UFSP2: variants seen among roughly 807,000 people sequenced by gnomAD.
UFSP2 encodes the protein ufm1-specific protease 2.
UFSP2 carries 43 observed loss-of-function variants against 60.2 expected under a neutral mutation model. That is an observed-to-expected ratio of 0.71 (90% confidence interval 0.56 to 0.92). The LOEUF is 0.92. UFSP2 is among the 40% of genes least tolerant of loss of function. The pLI is 0.00. For missense variants in UFSP2, 520 were observed against 575.0 expected (o/e 0.90, Z 0.98); for synonymous variants, 183 against 195.1 (o/e 0.94, Z 0.52).
intron 2 of UFSP2, among the ~76,000 whole-genome samples, chr4:185,419,139 C>CT (rs997663032): frequency 4.9e-4 from 73 of 148,774 alleles, no homozygotes; most frequent in African/African-American, 1.4e-3. Flanking sequence ...TACATCTTTT[C>CT]TTTTTTTTTT....
rs759865037 is a variant in UFSP2 at position 185,399,582 on chromosome 4, G to C, written c.*810C>G. 1.7e-5 allele frequency: 27 copies of C among 1,614,114 alleles called. No individual in the cohort carries two copies. The South Asian group carries it at 3.0e-4, about 18-fold the overall frequency. On this transcript the variant is annotated 3_prime_UTR_variant, in exon 12 of 12. Transcript: ENST00000264689. ...ATCCTGTTTTCAGTTTATGTAATAA[G>C]AACGGGCAAACAGCTGAAGATCTCG... is the stretch of plus-strand genomic sequence containing the variant.
chr4:185,410,161 A>G (rs2095526751), intron 7 of UFSP2, among the ~76,000 whole-genome samples: 1 of 152,194 alleles, frequency 6.6e-6, no homozygotes. Context: ...AGAAAAAAAA[A>G]GCAAAAAAGA....
chr4:185,422,428 TCTC>T, intron 2 of UFSP2, 54 bp downstream of exon 2: 1 of 1,244,320 alleles, frequency 8.0e-7, no homozygotes, highest in Non-Finnish European at 1.2e-6. Flanking sequence ...GTGGAAATAA[TCTC>T]AGTATATTTC....
intron 11 of UFSP2, 158 bp from the exon 12 acceptor site, chr4:185,400,636 G>A (rs140236130): frequency 6.6e-5 from 32 of 488,386 alleles, no homozygotes; most frequent in Admixed American, 3.4e-4. Context: ...GAAAAGTAAC[G>A]TATCTTACCC....
intron 10 of UFSP2, 43 bp downstream of exon 10, chr4:185,405,737 C>T: frequency 6.4e-7 from 1 of 1,573,620 alleles, no homozygotes; most frequent in Non-Finnish European, 8.7e-7. Flanking sequence ...ATAAGTTTTG[C>T]ATATTACTCA....
chr4:185,408,158 T>C, intron 8 of UFSP2, 98 bp from the exon 9 acceptor site: 1 of 1,547,716 alleles, frequency 6.5e-7, no homozygotes, highest in Non-Finnish European at 8.8e-7. Flanking sequence ...AGAATTTTTT[T>C]TTCTTCAAAA....
rs1356186252 is a variant in UFSP2 at position 185,400,421 on chromosome 4, A to G, written c.1381T>C (p.Cys461Arg). 26 of 1,613,776 alleles carry G rather than the reference A, an allele frequency of 1.6e-5. No homozygotes were observed. Among genetic ancestry groups the G allele is most frequent in the Middle Eastern group, 1.6e-4 (1 of 6,082 alleles). The change falls in exon 12 of 12, where the codon TGT becomes CGT. Residue 461 changes from cysteine (C) to arginine (R), a missense_variant. Transcript: ENST00000264689. ...FWNKDAYYNL[C>R]LPQRPNMI ...ATCATATTTGGTCGCTGAGGAAGAC[A>G]TAAGTTATAGTATGCATCCTTGTTC...
Position 185,417,133 on chromosome 4 carries a change from T to A in UFSP2, c.334-1266A>T, listed in dbSNP as rs556459640. On this transcript the variant is annotated intron_variant, in intron 4 of 11. Coordinates refer to ENST00000264689, the MANE Select transcript of UFSP2 (RefSeq NM_018359.5). ...CCAATAATAGCAACAGACTGATAAC[T>A]GTCTCTTTCATACCATGTGCTGAGG... is the stretch of plus-strand genomic sequence containing the variant. Among the ~76,000 whole-genome samples, 3 of 152,348 alleles carry A rather than the reference T, an allele frequency of 2.0e-5. No individual in the cohort carries two copies. In the East Asian group the frequency reaches 5.8e-4, roughly 29 times the overall value.
At position 185,408,304 on chromosome 4, in the gene UFSP2, C is replaced by G; in HGVS notation, c.963G>C (p.Glu321Asp). Residue 321 changes from glutamate (E) to aspartate (D), a missense_variant, in exon 8 of 12, where the codon GAG becomes GAC. By Grantham distance (45) the Glu-to-Asp change is conservative. Transcript: ENST00000264689. ...CSWFKHQGYT[E>D]RSIPTHREIQ... The stretch of plus-strand genomic sequence containing the variant: ...TTTCTCTGTGTGTTGGAATGGACCT[C>G]TCTGTGTATCCCTGATGTTTGAACC... 1 of 1,614,150 alleles carries G rather than the reference C, an allele frequency of 6.2e-7. No individual in the cohort carries two copies. The highest frequency in any genetic ancestry group is 1.7e-5 in the Admixed American group (1 of 60,012).
At chr4:185,418,564 T>C in intron 3 of UFSP2, 23 bp downstream of exon 3, 1 of 1,611,434 alleles carries the variant, frequency 6.2e-7, no homozygotes, top group Non-Finnish European at 8.5e-7. Context: ...AAAACATTTC[T>C]AGAAATCTTC....
intron 10 of UFSP2, 117 bp from the exon 11 acceptor site, chr4:185,403,735 C>CT: frequency 7.7e-7 from 1 of 1,294,808 alleles, no homozygotes; most frequent in Non-Finnish European, 1.0e-6. Flanking sequence ...AATCCCAGCA[C>CT]TTTGGGAGGT....
chr4:185,419,233 GC>G (rs2095544987), intron 2 of UFSP2, among the ~76,000 whole-genome samples: 2 of 152,112 alleles, frequency 1.3e-5, no homozygotes, highest in South Asian at 4.1e-4. Flanking sequence ...CCGGGTTCAC[GC>G]CATTCTCCTG....
chr4:185,425,859 TACTC>T lies in UFSP2; in HGVS notation c.3+3_3+6del, dbSNP rs751059426. 1 of 1,604,390 alleles carries T rather than the reference TACTC, an allele frequency of 6.2e-7. No individual in the cohort carries two copies. The highest frequency in any genetic ancestry group is 8.5e-7 in the Non-Finnish European group (1 of 1,175,698). ...CACAGGGGTCGGTGACGAGCAGAGATACTCACCATGTCCGCGACGTGGCGGTGAC... is the reference window on the plus strand; with the variant it reads ...CACAGGGGTCGGTGACGAGCAGAGATACCATGTCCGCGACGTGGCGGTGAC... On this transcript the variant is annotated splice_donor_5th_base_variant and intron_variant, in intron 1 of 11. Coordinates refer to ENST00000264689, the MANE Select transcript of UFSP2 (RefSeq NM_018359.5).
At chr4:185,409,530 T>C (rs1219455763) in intron 7 of UFSP2, among the ~76,000 whole-genome samples, 1 of 152,062 alleles carries the variant, frequency 6.6e-6, no homozygotes, top group East Asian at 1.9e-4. Flanking sequence ...TGAGAGGAGA[T>C]AGGGACAAGA....
intron 1 of UFSP2, among the ~76,000 whole-genome samples, chr4:185,422,825 A>G (rs77451496): frequency 0.058 from 8,783 of 152,220 alleles, 288 homozygotes; most frequent in South Asian, 0.088. Flanking sequence ...ACCCCCAGAG[A>G]TTCTGATTAA....
chr4:185,415,381 AG>A, intron 5 of UFSP2, 34 bp from the exon 6 acceptor site: 1 of 1,497,614 alleles, frequency 6.7e-7, no homozygotes, highest in African/African-American at 1.4e-5. Context: ...TATTAACAAA[AG>A]TTATAGTGAC....
chr4:185,406,819 A>G (rs2095521126), intron 9 of UFSP2, among the ~76,000 whole-genome samples: 2 of 151,838 alleles, frequency 1.3e-5, no homozygotes, highest in Admixed American at 1.3e-4. Flanking sequence ...CAGGTGATCC[A>G]CCCACCTTGG....
At chr4:185,400,652 G>T in intron 11 of UFSP2, 174 bp from the exon 12 acceptor site, 1 of 439,080 alleles carries the variant, frequency 2.3e-6, no homozygotes, top group Non-Finnish European at 4.1e-6. Context: ...TACCCTTTAA[G>T]GTAGGTTTTT....
At chr4:185,406,360 T>C (rs989117052) in intron 9 of UFSP2, among the ~76,000 whole-genome samples, 1 of 152,128 alleles carries the variant, frequency 6.6e-6, no homozygotes, top group Admixed American at 6.5e-5. Flanking sequence ...AACTGCAAAA[T>C]GTTTTCAAGT....
Sources: allele counts gnomAD v4.1 joint callset (sites outside exome capture counted in the v4.1 genomes callset), GRCh38; gene constraint gnomAD v4.1.1; transcripts MANE v1.5; gene names NCBI Gene and HGNC (gene_info 2026-07-23, HGNC 2026-07-21).